FSTL4: variants seen among roughly 807,000 people sequenced by gnomAD.
FSTL4 encodes the protein follistatin like 4, also known as follistatin-related protein 4.
In FSTL4, 28 loss-of-function variants were observed where a neutral mutation model predicts 78.2. The observed-to-expected ratio is 0.36, with a 90% CI of 0.27 to 0.49. The LOEUF (loss-of-function observed/expected upper bound fraction) is 0.49, where lower values mean the gene tolerates loss of function less well. Among genes scored for constraint, FSTL4 ranks in the 20% least tolerant of loss-of-function variants. The pLI is 0.98. For synonymous variants in FSTL4, 422 were observed against 440.5 expected (o/e 0.96, Z 0.53); for missense variants, 922 against 1,084.9 (o/e 0.85, Z 2.11).
the FSTL4 span, among the ~76,000 whole-genome samples, chr5:133,817,302 A>T: frequency 1.3e-5 from 2 of 152,356 alleles, no homozygotes; most frequent in South Asian, 4.1e-4. Flanking sequence ...CTCCAAGGCC[A>T]TGCACTTGTT....
intron 4 of FSTL4, among the ~76,000 whole-genome samples, chr5:133,322,617 C>T (rs989802082): frequency 2.0e-5 from 3 of 152,118 alleles, no homozygotes; most frequent in South Asian, 4.1e-4. Flanking sequence ...TAGAACACAC[C>T]GCAGAATTGC....
At chr5:133,630,109 C>T in the FSTL4 span, among the ~76,000 whole-genome samples, 1 of 152,248 alleles carries the variant, frequency 6.6e-6, no homozygotes, top group African/African-American at 2.4e-5. Flanking sequence ...CCCTCTCTCA[C>T]CACTTCTATT....
At chr5:133,612,796 C>T (rs1761131421), upstream of FSTL4, among the ~76,000 whole-genome samples, 1 of 152,128 alleles carries the variant, frequency 6.6e-6, no homozygotes, top group Middle Eastern at 3.2e-3. The surrounding 1 kb of genome is among the most constrained non-coding windows in gnomAD (Gnocchi z 6.2). Flanking sequence ...AGCCCCTCTT[C>T]ACCTCTGCTC....
chr5:133,813,041 C>T, the FSTL4 span, among the ~76,000 whole-genome samples: 1 of 152,190 alleles, frequency 6.6e-6, no homozygotes, highest in African/African-American at 2.4e-5. Flanking sequence ...CCAGGAAGAA[C>T]AGACTCTGGC....
At chr5:133,787,934 C>A in the FSTL4 span, among the ~76,000 whole-genome samples, 5 of 152,224 alleles carry the variant, frequency 3.3e-5, no homozygotes, top group African/African-American at 1.2e-4. Flanking sequence ...GTTTATTATG[C>A]ACCTAGCATG....
At chr5:133,380,866 G>A (rs1755551709) in intron 4 of FSTL4, among the ~76,000 whole-genome samples, 1 of 149,798 alleles carries the variant, frequency 6.7e-6, no homozygotes, top group African/African-American at 2.5e-5. Flanking sequence ...TCAAATCCAG[G>A]GTATAAAAAG....
the FSTL4 span, among the ~76,000 whole-genome samples, chr5:133,787,378 T>C: frequency 6.6e-6 from 1 of 152,114 alleles, no homozygotes; most frequent in Non-Finnish European, 1.5e-5. Flanking sequence ...TTAAAGGAGA[T>C]GGACACCAGC....
intron 3 of FSTL4, among the ~76,000 whole-genome samples, chr5:133,424,793 G>C (rs2126990511): frequency 6.6e-6 from 1 of 152,208 alleles, no homozygotes; most frequent in South Asian, 2.1e-4. Context: ...GAGATCTTGA[G>C]TCTAATTCTC....
intron 13 of FSTL4, among the ~76,000 whole-genome samples, chr5:133,215,743 T>C (rs1006550578): frequency 1.3e-5 from 2 of 152,192 alleles, no homozygotes; most frequent in Non-Finnish European, 2.9e-5. Flanking sequence ...GGGGAGAGTA[T>C]GGTTCCATGC....
At chr5:133,373,397 C>A (rs1755363236) in intron 4 of FSTL4, among the ~76,000 whole-genome samples, 1 of 152,182 alleles carries the variant, frequency 6.6e-6, no homozygotes, top group Non-Finnish European at 1.5e-5. Context: ...AGGGTAACTT[C>A]CTTGAAACAC....
intron 13 of FSTL4, among the ~76,000 whole-genome samples, chr5:133,215,669 C>T (rs1750883174): frequency 6.6e-6 from 1 of 152,190 alleles, no homozygotes; most frequent in African/African-American, 2.4e-5. Context: ...CATTTATTCT[C>T]TTACAGTTCT....
At chr5:133,373,004 G>T (rs901941507) in intron 4 of FSTL4, among the ~76,000 whole-genome samples, 16 of 152,154 alleles carry the variant, frequency 1.1e-4, no homozygotes, top group African/African-American at 3.9e-4. Flanking sequence ...AATCCCCAAC[G>T]TGAAGGTATT....
At position 133,246,114 on chromosome 5, in the gene FSTL4, C is replaced by T. The variant is rs558267028; in HGVS notation, c.894+3296G>A. Among the ~76,000 whole-genome samples the T allele has an allele frequency of 4.8e-4, 73 of 152,322 alleles. 1 individual carries two copies. The South Asian group carries it at 0.014, about 29-fold the overall frequency. ...GCTCCTTCGTGCTCTGTGATCTCCC[C>T]GCCTTGGGTTTTGAAGGCCGATCAG... is the stretch of plus-strand genomic sequence containing the variant. On this transcript the variant is annotated intron_variant, in intron 7 of 15. Transcript: ENST00000265342.
chr5:133,805,167 C>T, the FSTL4 span, among the ~76,000 whole-genome samples: 1 of 151,950 alleles, frequency 6.6e-6, no homozygotes, highest in Non-Finnish European at 1.5e-5. Context: ...ATTTCCCAGC[C>T]CATTTCCCCA....
At chr5:133,700,023 T>G in the FSTL4 span, among the ~76,000 whole-genome samples, 7 of 152,294 alleles carry the variant, frequency 4.6e-5, no homozygotes, top group South Asian at 1.2e-3. Flanking sequence ...GATTCACATT[T>G]GCCCGCGGTC....
chr5:133,682,249 G>A, the FSTL4 span, among the ~76,000 whole-genome samples: 28,597 of 152,190 alleles, frequency 0.19, 7,301 homozygotes, highest in African/African-American at 0.59. Flanking sequence ...AAACTTGCCA[G>A]GGGCAGAAGT....
chr5:133,504,705 T>C (rs1758577553), intron 3 of FSTL4, among the ~76,000 whole-genome samples: 1 of 152,298 alleles, frequency 6.6e-6, no homozygotes, highest in South Asian at 2.1e-4. Context: ...TTCCTCCCAC[T>C]CCTATCCTGG....
intron 6 of FSTL4, among the ~76,000 whole-genome samples, chr5:133,297,152 T>G (rs1753415453): frequency 1.3e-5 from 2 of 152,354 alleles, no homozygotes; most frequent in South Asian, 4.1e-4. Context: ...CCAAAAAAAC[T>G]GATTTTGCAC....
At chr5:133,738,722 G>T in the FSTL4 span, among the ~76,000 whole-genome samples, 3 of 152,174 alleles carry the variant, frequency 2.0e-5, no homozygotes, top group Admixed American at 2.0e-4. Context: ...TTCAGGTGGG[G>T]CTGAGAGATG....
Sources: allele counts gnomAD v4.1 joint callset (sites outside exome capture counted in the v4.1 genomes callset), GRCh38; gene constraint gnomAD v4.1.1; non-coding constraint Gnocchi (gnomAD v3.1); transcripts MANE v1.5; gene names NCBI Gene and HGNC (gene_info 2026-07-23, HGNC 2026-07-21).